TLN2: variants seen among roughly 807,000 people sequenced by gnomAD.
TLN2 encodes talin-2.
TLN2 carries 118 observed loss-of-function variants against 294.7 expected under a neutral mutation model. That is an observed-to-expected ratio of 0.40 (90% confidence interval 0.34 to 0.47). The LOEUF (loss-of-function observed/expected upper bound fraction) is 0.47, where lower values mean the gene tolerates loss of function less well. TLN2 is among the 20% of genes least tolerant of loss of function. The pLI is 0.84. For synonymous variants in TLN2, 1,431 were observed against 1,304.5 expected (o/e 1.10, Z -2.09); for missense variants, 3,083 against 3,282.2 (o/e 0.94, Z 1.48).
chr15:62,820,074 A>G (rs1281200407), intron 53 of TLN2, among the ~76,000 whole-genome samples: 2 of 152,210 alleles, frequency 1.3e-5, no homozygotes, highest in African/African-American at 4.8e-5. Flanking sequence ...ACTTTGAATT[A>G]AGGTGAGGGG....
At chr15:62,428,309 A>G (rs1327681194) in intron 1 of TLN2, among the ~76,000 whole-genome samples, 1 of 152,224 alleles carries the variant, frequency 6.6e-6, no homozygotes, top group Non-Finnish European at 1.5e-5. Flanking sequence ...ACTTGAGTCC[A>G]GTTAATGCAC....
At chr15:62,402,372 C>T (rs558961230) in intron 1 of TLN2, among the ~76,000 whole-genome samples, 9 of 152,138 alleles carry the variant, frequency 5.9e-5, no homozygotes, top group Non-Finnish European at 1.2e-4. Flanking sequence ...TGTCTTATTG[C>T]CTCTAGTACT....
chr15:62,629,649 A>G (rs979360343), intron 3 of TLN2, among the ~76,000 whole-genome samples: 2 of 152,146 alleles, frequency 1.3e-5, no homozygotes, highest in African/African-American at 4.8e-5. Context: ...TAGCAGTTTT[A>G]TTTTGTTTGC....
intron 1 of TLN2, among the ~76,000 whole-genome samples, chr15:62,570,497 G>A (rs78228736): frequency 0.042 from 6,441 of 152,232 alleles, 450 homozygotes; most frequent in African/African-American, 0.15. Flanking sequence ...TTGGAAGGCA[G>A]TGCTCTTTCT....
chr15:62,561,844 C>T (rs1390895884), intron 1 of TLN2, among the ~76,000 whole-genome samples: 1 of 152,104 alleles, frequency 6.6e-6, no homozygotes, highest in Non-Finnish European at 1.5e-5. Flanking sequence ...CTCCCTACCC[C>T]ACTTTTTCTT....
At position 62,652,664 on chromosome 15, in the gene TLN2, T is replaced by C. The variant is rs183414066; in HGVS notation, c.365-498T>C. ...CTTCTTGTTTGACACTGTCTTGCCTTCTTCTGCATGACCTCCTCTGTGGCG... is the reference window on the plus strand; with the variant it reads ...CTTCTTGTTTGACACTGTCTTGCCTCCTTCTGCATGACCTCCTCTGTGGCG... On this transcript the variant is annotated intron_variant, in intron 6 of 58. Coordinates refer to ENST00000636159, the MANE Select transcript of TLN2 (RefSeq NM_015059.3). 9.2e-5 allele frequency among the ~76,000 whole-genome samples: 14 copies of C among 152,306 alleles called. No individual in the cohort carries two copies. In the East Asian group the frequency reaches 1.4e-3, roughly 15 times the overall value.
chr15:62,517,672 C>T (rs11857489), intron 1 of TLN2, among the ~76,000 whole-genome samples: 12,076 of 152,232 alleles, frequency 0.079, 559 homozygotes, highest in Non-Finnish European at 0.1. Context: ...TCAAACACAC[C>T]GCTAATGTTA....
intron 1 of TLN2, among the ~76,000 whole-genome samples, chr15:62,575,906 T>TCTA (rs1470906172): frequency 6.6e-6 from 1 of 152,206 alleles, no homozygotes; most frequent in East Asian, 1.9e-4. Context: ...TTCCCAACTG[T>TCTA]GTAGAGTGAA....
intron 3 of TLN2, among the ~76,000 whole-genome samples, chr15:62,621,856 A>T (rs950894054): frequency 2.6e-5 from 4 of 152,242 alleles, no homozygotes; most frequent in African/African-American, 9.6e-5. Context: ...TTTTCCTCAC[A>T]GAATTGCTAG....
At chr15:62,679,181 A>G (rs1425608723) in intron 11 of TLN2, among the ~76,000 whole-genome samples, 1 of 152,218 alleles carries the variant, frequency 6.6e-6, no homozygotes, top group Non-Finnish European at 1.5e-5. Flanking sequence ...GTGGGAATGT[A>G]AAATGGTACT....
At chr15:62,796,582 C>A (rs916953764) in intron 47 of TLN2, among the ~76,000 whole-genome samples, 13 of 152,218 alleles carry the variant, frequency 8.5e-5, no homozygotes, top group African/African-American at 3.1e-4. Context: ...GTTCCTCAAA[C>A]TGCTGGCCAA....
intron 1 of TLN2, among the ~76,000 whole-genome samples, chr15:62,547,722 G>C (rs924026406): frequency 6.6e-6 from 1 of 152,172 alleles, no homozygotes; most frequent in African/African-American, 2.4e-5. Context: ...AGTTAGTCTT[G>C]CATCTTCCTT....
chr15:62,408,850 A>G (rs1039805682), intron 1 of TLN2, among the ~76,000 whole-genome samples: 1 of 151,940 alleles, frequency 6.6e-6, no homozygotes, highest in Admixed American at 6.6e-5. Context: ...TGTAGAGACT[A>G]GGTCTTGCTT....
At chr15:62,678,944 G>A (rs2056522898) in intron 11 of TLN2, among the ~76,000 whole-genome samples, 2 of 151,968 alleles carry the variant, frequency 1.3e-5, no homozygotes, top group South Asian at 4.2e-4. Context: ...AAAATGAGGG[G>A]AAAATCATTG....
At chr15:62,542,062 G>A (rs1301800413) in intron 1 of TLN2, among the ~76,000 whole-genome samples, 1 of 151,948 alleles carries the variant, frequency 6.6e-6, no homozygotes, top group African/African-American at 2.4e-5. Context: ...ATTATGCTGG[G>A]CCCTTTCTTG....
intron 1 of TLN2, among the ~76,000 whole-genome samples, chr15:62,458,623 G>A (rs1326787504): frequency 1.5e-5 from 1 of 68,644 alleles, no homozygotes; most frequent in African/African-American, 4.8e-5. Context: ...AAAAAATTTA[G>A]CTGGGTGTCA....
chr15:62,642,165 T>G (rs984646190), intron 3 of TLN2, among the ~76,000 whole-genome samples: 3 of 152,174 alleles, frequency 2.0e-5, no homozygotes, highest in African/African-American at 7.2e-5. Flanking sequence ...GAGACAAGAT[T>G]ATGAAAAGAA....
chr15:62,819,448 AGT>A, intron 52 of TLN2, 66 bp from the exon 53 acceptor site: 1 of 1,281,640 alleles, frequency 7.8e-7, no homozygotes, highest in South Asian at 1.2e-5. Flanking sequence ...CAGCAAGAGG[AGT>A]GTGCTTCTTT....
intron 1 of TLN2, among the ~76,000 whole-genome samples, chr15:62,509,699 C>T (rs528462596): frequency 1.3e-5 from 2 of 152,300 alleles, no homozygotes; most frequent in East Asian, 3.9e-4. Flanking sequence ...GAGGGGCTTT[C>T]GGGGGCTTGT....
Sources: allele counts gnomAD v4.1 joint callset (sites outside exome capture counted in the v4.1 genomes callset), GRCh38; gene constraint gnomAD v4.1.1; transcripts MANE v1.5; gene names NCBI Gene and HGNC (gene_info 2026-07-23, HGNC 2026-07-21).